DNAH17: variants seen among roughly 807,000 people sequenced by gnomAD.
DNAH17 encodes axonemal beta dynein heavy chain 17.
DNAH17 carries 376 observed loss-of-function variants against 485.6 expected under a neutral mutation model. That is an observed-to-expected ratio of 0.77 (90% CI 0.71 to 0.84). The LOEUF (loss-of-function observed/expected upper bound fraction) is 0.84. DNAH17 is among the 40% of genes least tolerant of loss of function. The pLI is 0.00. For synonymous variants in DNAH17, 3,031 were observed against 2,405.9 expected (o/e 1.26, Z -7.60); for missense variants, 6,370 against 5,839.3 (o/e 1.09, Z -2.96).
intron 30 of DNAH17, 69 bp downstream of exon 30, chr17:78,506,651 G>C (rs1332375206): frequency 3.7e-6 from 6 of 1,607,408 alleles, no homozygotes; most frequent in Non-Finnish European, 5.1e-6. Flanking sequence ...GGCGGTTGAG[G>C]TAGAGGTGCC....
intron 62 of DNAH17, among the ~76,000 whole-genome samples, chr17:78,457,478 T>C (rs1481420476): frequency 1.3e-5 from 2 of 152,180 alleles, no homozygotes; most frequent in Admixed American, 1.3e-4. Context: ...ATTTTTATAT[T>C]AGTTACGTGT....
intron 54 of DNAH17, among the ~76,000 whole-genome samples, chr17:78,469,644 G>T (rs1410635570): frequency 6.6e-6 from 1 of 152,174 alleles, no homozygotes; most frequent in Non-Finnish European, 1.5e-5. Flanking sequence ...GCACAGCCAG[G>T]TTCACAGCAG....
At chr17:78,473,543 C>CCAAA (rs2088868645) in intron 54 of DNAH17, among the ~76,000 whole-genome samples, 3 of 55,446 alleles carry the variant, frequency 5.4e-5, no homozygotes, top group African/African-American at 2.1e-4. Context: ...GACTCTGTCT[C>CCAAA]AAAAAAAAAA....
Position 78,450,820 on chromosome 17 carries a change from T to C in DNAH17, c.10761A>G (p.Glu3587=). The C allele has an allele frequency of 6.2e-7, 1 of 1,614,008 alleles. No individual in the cohort carries two copies. Among genetic ancestry groups the C allele is most frequent in the South Asian group, 1.1e-5 (1 of 91,084 alleles). Residue 3587 remains glutamate (E), a synonymous_variant, in exon 67 of 81, where the codon GAA becomes GAG. Transcript: ENST00000389840. ...LKANLTKSQN[E]FKIVLKELED... is the part of the protein sequence containing the mutation. ...CCAGCTCTTTCAGAACAATCTTAAA[T>C]TCGTTTTGAGACTTGGTGAGGTTTG...
At chr17:78,557,345 T>C (rs1006757768) in intron 14 of DNAH17, among the ~76,000 whole-genome samples, 4 of 152,108 alleles carry the variant, frequency 2.6e-5, no homozygotes, top group African/African-American at 9.7e-5. Context: ...TGGCCAGGCT[T>C]GGGGCCTTAT....
rs746395791 is a variant in DNAH17 at position 78,485,954 on chromosome 17, AGT to A, written c.7275+4_7275+5del. The A allele has an allele frequency of 1.5e-5, 24 of 1,610,748 alleles. No individual in the cohort carries two copies. Among genetic ancestry groups the A allele is most frequent in the Non-Finnish European group, 2.0e-5 (23 of 1,179,314 alleles). ...CAGTCGGTGGCCCTGCTTTGGGGAC[AGT>A]TACCTGCAGTGGGACATCGGGATCC... On this transcript the variant is annotated splice_donor_5th_base_variant and intron_variant, in intron 46 of 80. Coordinates refer to ENST00000389840, the MANE Select transcript of DNAH17 (RefSeq NM_173628.4).
rs757805660 is a variant in DNAH17, at chr17:78,449,515, T to A, written c.11110A>T (p.Ile3704Phe). The change falls in exon 69 of 81, where the codon ATC (isoleucine) becomes TTC (phenylalanine). Residue 3704 changes from isoleucine (I) to phenylalanine (F), a missense_variant. Physicochemically the swap from Ile to Phe is conservative, Grantham distance 21. Transcript: ENST00000389840. ...TPANEVKQRV[I>F]NLTDEITYSV... ...TAGGTGATCTCGTCCGTCAGGTTGA[T>A]CACCCGCTGCTTCACCTCGTTGGCA... 6.3e-7 allele frequency: 1 copy of A among 1,595,060 alleles called. No homozygotes were observed.
chr17:78,441,478 G>A (rs2087073232), intron 71 of DNAH17, among the ~76,000 whole-genome samples: 3 of 152,166 alleles, frequency 2.0e-5, no homozygotes, highest in Admixed American at 2.0e-4. Flanking sequence ...GCCTTGGAAG[G>A]CACCCAGGGT....
chr17:78,471,870 G>C (rs918278513), intron 54 of DNAH17, among the ~76,000 whole-genome samples: 1 of 152,028 alleles, frequency 6.6e-6, no homozygotes, highest in African/African-American at 2.4e-5. Flanking sequence ...TCCTATCCCT[G>C]CACTTCCCAG....
At chr17:78,500,484 G>T in intron 35 of DNAH17, 23 bp from the exon 36 acceptor site, 1 of 1,542,202 alleles carries the variant, frequency 6.5e-7, no homozygotes, top group Non-Finnish European at 8.7e-7. Context: ...ACAGGTAAGC[G>T]TGTGTGCCAG....
Position 78,495,012 on chromosome 17 carries a change from C to A in DNAH17, c.5989G>T (p.Ala1997Ser), listed in dbSNP as rs201144628. Residue 1997 changes from alanine (A) to serine (S), a missense_variant, in exon 39 of 81, where the codon GCC becomes TCC. Ala to Ser is a moderately conservative substitution (Grantham distance 99, BLOSUM62 1). Transcript: ENST00000389840. The part of the protein sequence containing the change: ...AEGFLEARLL[A>S]RKFITLYTLC... The stretch of plus-strand genomic sequence containing the variant: ...GTGTACAGGGTGATGAACTTCCTGG[C>A]CAGAAGGCGGGCTTCCAGAAAGCCC... 318 of 1,612,788 alleles carry A rather than the reference C, an allele frequency of 2.0e-4. 3 individuals carry two copies. The highest frequency in any genetic ancestry group is 1.3e-5 in the African/African-American group (1 of 74,924).
chr17:78,473,737 C>T (rs544482430), intron 54 of DNAH17, among the ~76,000 whole-genome samples: 14 of 152,072 alleles, frequency 9.2e-5, no homozygotes, highest in South Asian at 4.2e-4. Flanking sequence ...AGAAAATCCC[C>T]GCAGGGACGC....
rs1411826998 is a variant in DNAH17, at chr17:78,492,718, C to T, written c.6456G>A (p.Pro2152=). ...NKTYQNLKRK[P]VAVDLDPKAV... is the part of the protein sequence containing the mutation. ...CCTTGGGGTCCAGGTCCACGGCGAC[C>T]GGCTTCCTCTTCAGGTTCTGATAGG... Residue 2152 remains proline, a synonymous_variant, in exon 42 of 81, where the codon CCG becomes CCA. Coordinates refer to ENST00000389840, the MANE Select transcript of DNAH17 (RefSeq NM_173628.4). 39 of 1,612,904 alleles carry T rather than the reference C, an allele frequency of 2.4e-5. 2 individuals carry two copies. The Admixed American group carries it at 3.7e-4, about 15-fold the overall frequency.
intron 13 of DNAH17, among the ~76,000 whole-genome samples, chr17:78,558,870 C>A (rs949391062): frequency 3.3e-5 from 5 of 152,236 alleles, no homozygotes; most frequent in Non-Finnish European, 5.9e-5. Context: ...GAGATAACCT[C>A]CATATTGCTG....
At chr17:78,560,485 C>G (rs980111094) in intron 13 of DNAH17, among the ~76,000 whole-genome samples, 3 of 152,052 alleles carry the variant, frequency 2.0e-5, no homozygotes, top group East Asian at 1.9e-4. Flanking sequence ...TTTTTCCCCC[C>G]CCCCAGTTTC....
chr17:78,558,331 C>T, intron 13 of DNAH17, 77 bp from the exon 14 acceptor site: 8 of 1,528,692 alleles, frequency 5.2e-6, no homozygotes, highest in Non-Finnish European at 7.1e-6. Context: ...CAGAAATGAG[C>T]ATCTGCCCTG....
rs904169757 is a variant in DNAH17 at position 78,506,831 on chromosome 17, T to C, written c.4692A>G (p.Glu1564=). ...EALKKSLAIC[E]KALAEYLETK... ...TCTCTAAATACTCTGCCAAAGCCTT[T>C]TCACAGATGGCCAAGCTGGGAGGAA... is the stretch of plus-strand genomic sequence containing the variant. The change falls in exon 30 of 81, where the codon GAA becomes GAG. Residue 1564 remains glutamate (E), a synonymous_variant. Coordinates refer to ENST00000389840, the MANE Select transcript of DNAH17 (RefSeq NM_173628.4). 1.2e-5 allele frequency: 19 copies of C among 1,613,822 alleles called. No homozygotes were observed. The highest frequency in any genetic ancestry group is 1.4e-5 in the Non-Finnish European group (17 of 1,179,872).
chr17:78,560,703 A>G lies in DNAH17; in HGVS notation c.2031+37T>C, dbSNP rs1358245057. The G allele has an allele frequency of 2.0e-6, 3 of 1,515,238 alleles. No homozygotes were observed. In the African/African-American group the frequency reaches 4.1e-5, roughly 21 times the overall value. 93.9% of individuals were successfully genotyped at this position (1,515,238 alleles called of 1,614,324 possible). ...TTGGCAGGCCCTCCCCCCGCTCCCA[A>G]GGAGCCTTTGACGCGGTCCCCACTC... On this transcript the variant is annotated intron_variant, in intron 13 of 80. Coordinates refer to ENST00000389840, the MANE Select transcript of DNAH17 (RefSeq NM_173628.4).
intron 15 of DNAH17, among the ~76,000 whole-genome samples, chr17:78,552,267 C>G (rs2091918650): frequency 6.6e-6 from 1 of 152,172 alleles, no homozygotes; most frequent in African/African-American, 2.4e-5. Context: ...TCTGCCTCGT[C>G]CAGTGGTGGA....
Sources: gnomAD v4.1 joint callset for allele counts (sites outside exome capture counted in the v4.1 genomes callset) on GRCh38, gnomAD v4.1.1 for gene constraint, MANE v1.5 for transcripts, NCBI Gene and HGNC (gene_info 2026-07-23, HGNC 2026-07-21) for gene names.